STK39: variants seen among roughly 807,000 people sequenced by gnomAD.
STK39 encodes STE20/SPS1-related proline-alanine-rich protein kinase.
In STK39, 20 loss-of-function variants were observed where a neutral mutation model predicts 77.8. The observed-to-expected ratio is 0.26, with a 90% CI of 0.18 to 0.37. STK39 has a LOEUF of 0.37. Among genes scored for constraint, STK39 ranks in the 10% least tolerant of loss-of-function variants. The probability of loss-of-function intolerance (pLI) is 1.00; values close to 1 mark genes in which losing one functional copy is unlikely to be tolerated. For synonymous variants in STK39, 246 were observed against 234.1 expected (o/e 1.05, Z -0.47); for missense variants, 479 against 656.5 (o/e 0.73, Z 2.95).
chr2:167,987,079 C>T (rs1191560182), intron 16 of STK39, among the ~76,000 whole-genome samples: 5 of 152,136 alleles, frequency 3.3e-5, no homozygotes, highest in African/African-American at 1.2e-4. Flanking sequence ...TCTCATTAAC[C>T]GTGGGCAGGA....
intron 14 of STK39, among the ~76,000 whole-genome samples, chr2:168,025,332 A>C (rs1487417985): frequency 1.3e-5 from 2 of 152,182 alleles, no homozygotes; most frequent in Non-Finnish European, 2.9e-5. Context: ...GGAATGTATC[A>C]CTTTTCCTCT....
At chr2:168,054,827 G>A (rs1685483091) in intron 14 of STK39, among the ~76,000 whole-genome samples, 1 of 151,546 alleles carries the variant, frequency 6.6e-6, no homozygotes, top group African/African-American at 2.4e-5. Context: ...TGGTTACTAT[G>A]GGAACAAGCA....
intron 1 of STK39, among the ~76,000 whole-genome samples, chr2:168,244,081 T>G (rs1481243493): frequency 2.0e-5 from 3 of 152,200 alleles, no homozygotes; most frequent in Admixed American, 1.3e-4. Flanking sequence ...TTAACCCCTC[T>G]GTAAATATAA....
Position 168,118,277 on chromosome 2 carries a change from G to A in STK39, c.1089+11264C>T, listed in dbSNP as rs79607870. On this transcript the variant is annotated intron_variant, in intron 10 of 17. Coordinates refer to ENST00000355999, the MANE Select transcript of STK39 (RefSeq NM_013233.3). ...CAAATTTCCCAAAGGCAAAAAGGAAGCACATAATATGTTTGAAGACTATCC... is the reference window on the plus strand; with the variant it reads ...CAAATTTCCCAAAGGCAAAAAGGAAACACATAATATGTTTGAAGACTATCC... 8.9e-3 allele frequency among the ~76,000 whole-genome samples: 1,349 copies of A among 152,196 alleles called. 12 individuals are homozygous for A. Among genetic ancestry groups the A allele is most frequent in the Non-Finnish European group, 0.01 (694 of 68,002 alleles).
At chr2:168,162,716 G>C (rs1160700159) in intron 4 of STK39, among the ~76,000 whole-genome samples, 1 of 152,080 alleles carries the variant, frequency 6.6e-6, no homozygotes, top group Non-Finnish European at 1.5e-5. Context: ...GATTTCTAAA[G>C]TAACTTTTTT....
intron 1 of STK39, among the ~76,000 whole-genome samples, chr2:168,191,212 G>A (rs554026371): frequency 1.3e-5 from 2 of 152,278 alleles, no homozygotes; most frequent in South Asian, 4.1e-4. Context: ...TGGACACAAC[G>A]GAGTGCAGGG....
At chr2:168,184,876 T>G (rs6749447) in intron 1 of STK39, among the ~76,000 whole-genome samples, 56,189 of 152,108 alleles carry the variant, frequency 0.37, 11,460 homozygotes, top group East Asian at 0.69. Context: ...TAGATTAGGA[T>G]TCCCAGGATT....
intron 2 of STK39, among the ~76,000 whole-genome samples, chr2:168,174,513 A>G (rs895361901): frequency 5.3e-5 from 8 of 152,182 alleles, no homozygotes; most frequent in Non-Finnish European, 1.2e-4. Flanking sequence ...ACTCAATAGG[A>G]AGATGCCATT....
At chr2:168,232,678 C>T (rs560713393) in intron 1 of STK39, among the ~76,000 whole-genome samples, 28 of 151,986 alleles carry the variant, frequency 1.8e-4, no homozygotes, top group South Asian at 4.2e-4. Context: ...TTTGGGAAGC[C>T]GAGGCAGGCA....
At chr2:168,112,663 A>G (rs1228416257) in intron 10 of STK39, among the ~76,000 whole-genome samples, 2 of 152,138 alleles carry the variant, frequency 1.3e-5, no homozygotes, top group Non-Finnish European at 2.9e-5. Context: ...TACAACCCCT[A>G]TATTCAAAAT....
chr2:168,030,919 C>A (rs186652322), intron 14 of STK39, among the ~76,000 whole-genome samples: 1 of 152,142 alleles, frequency 6.6e-6, no homozygotes, highest in Non-Finnish European at 1.5e-5. Context: ...CATCCATGCA[C>A]GAGAATACAT....
At chr2:168,176,501 G>A (rs1422463184) in intron 2 of STK39, among the ~76,000 whole-genome samples, 3 of 152,112 alleles carry the variant, frequency 2.0e-5, no homozygotes, top group African/African-American at 7.2e-5. Context: ...ACAAATCATA[G>A]CTAACTCATT....
chr2:168,010,765 G>T (rs1277005559), intron 16 of STK39, among the ~76,000 whole-genome samples: 1 of 152,112 alleles, frequency 6.6e-6, no homozygotes, highest in East Asian at 1.9e-4. Flanking sequence ...TATATCATTT[G>T]TATGTAAATA....
intron 1 of STK39, among the ~76,000 whole-genome samples, chr2:168,227,151 A>G (rs1035044734): frequency 6.6e-6 from 1 of 152,224 alleles, no homozygotes; most frequent in Non-Finnish European, 1.5e-5. Flanking sequence ...TAGTTTCCAC[A>G]TTACATGTAA....
chr2:168,079,545 G>C (rs923322587), intron 10 of STK39, among the ~76,000 whole-genome samples: 3 of 152,214 alleles, frequency 2.0e-5, no homozygotes, highest in African/African-American at 7.2e-5. Flanking sequence ...GCCACTCCTA[G>C]ATGGGGCATC....
intron 16 of STK39, among the ~76,000 whole-genome samples, chr2:167,989,985 T>C (rs1374340085): frequency 6.6e-6 from 1 of 151,942 alleles, no homozygotes; most frequent in Non-Finnish European, 1.5e-5. Flanking sequence ...ATGTGAGCTA[T>C]AACACAAGGG....
At chr2:168,110,062 TTTTC>T (rs1171038701) in intron 10 of STK39, among the ~76,000 whole-genome samples, 1 of 152,218 alleles carries the variant, frequency 6.6e-6, no homozygotes, top group Non-Finnish European at 1.5e-5. Context: ...TTTAACAGTC[TTTTC>T]TTTTATAGAT....
chr2:168,106,271 T>C (rs1686970557), intron 10 of STK39, among the ~76,000 whole-genome samples: 1 of 152,214 alleles, frequency 6.6e-6, no homozygotes, highest in African/African-American at 2.4e-5. Flanking sequence ...ACCTCAGTTT[T>C]CTCATCTGCA....
chr2:168,096,195 T>G (rs1289832291), intron 10 of STK39, among the ~76,000 whole-genome samples: 1 of 152,196 alleles, frequency 6.6e-6, no homozygotes, highest in Non-Finnish European at 1.5e-5. Context: ...TAAAATTGAT[T>G]CGTGTTTATT....
Sources: allele counts gnomAD v4.1 joint callset (sites outside exome capture counted in the v4.1 genomes callset), GRCh38; gene constraint gnomAD v4.1.1; transcripts MANE v1.5; gene names NCBI Gene and HGNC (gene_info 2026-07-23, HGNC 2026-07-21).